The following TMX1 variants were observed in gnomAD, a reference collection of about 807,000 sequenced individuals.
TMX1 encodes the protein thioredoxin-related transmembrane protein 1.
A neutral mutation model predicts 36.6 loss-of-function variants in TMX1; 25 were observed. The ratio of observed to expected loss-of-function variants is 0.68; its 90% CI spans 0.50 to 0.95. The LOEUF (loss-of-function observed/expected upper bound fraction) is 0.95. Ranked by LOEUF, TMX1 falls within the 40% of genes least tolerant of loss-of-function variation. The probability of loss-of-function intolerance (pLI) is 0.00; values close to 1 mark genes in which losing one functional copy is unlikely to be tolerated. For synonymous variants in TMX1, 133 were observed against 118.0 expected (o/e 1.13, Z -0.82); for missense variants, 347 against 339.6 (o/e 1.02, Z -0.17).
chr14:51,251,458 T>G (rs923116389), intron 7 of TMX1, among the ~76,000 whole-genome samples: 1 of 152,220 alleles, frequency 6.6e-6, no homozygotes, highest in Non-Finnish European at 1.5e-5. Flanking sequence ...ATGTTTTGTT[T>G]TTTTATATTC....
intron 1 of TMX1, 141 bp from the exon 2 acceptor site, chr14:51,243,715 C>T (rs2065772594): frequency 1.8e-6 from 1 of 551,802 alleles, no homozygotes; most frequent in Non-Finnish European, 2.9e-6. Context: ...TTTTCATCTG[C>T]ATAAAATTAA....
At chr14:51,250,405 C>T (rs746783933) in intron 7 of TMX1, among the ~76,000 whole-genome samples, 1 of 152,244 alleles carries the variant, frequency 6.6e-6, no homozygotes, top group African/African-American at 2.4e-5. Context: ...CTAAGGTTCA[C>T]AGTCACACAG....
At chr14:51,254,147 G>C (rs923975754) in intron 7 of TMX1, 194 bp from the exon 8 acceptor site, 4 of 420,220 alleles carry the variant, frequency 9.5e-6, no homozygotes, top group African/African-American at 8.3e-5. Flanking sequence ...AACTAAAATG[G>C]CTCAAACAAT....
chr14:51,243,676 TC>T (rs1346510471), intron 1 of TMX1, among the ~76,000 whole-genome samples, 179 bp from the exon 2 acceptor site: 1 of 152,172 alleles, frequency 6.6e-6, no homozygotes, highest in Non-Finnish European at 1.5e-5. Context: ...ATTCTTGATT[TC>T]CGGATTGTTA....
At position 51,249,470 on chromosome 14, in the gene TMX1, T is replaced by A. The variant is rs7161242; in HGVS notation, c.492T>A (p.Thr164=). Residue 164 remains threonine (T), a splice_region_variant and synonymous_variant, in exon 6 of 8, where the codon ACT becomes ACA. Transcript: ENST00000457354. ...TTTTTTTTTTCTTTTGATTTTAGAC[T>A]TGCCATAACTACTTTATTGAAGACC... The part of the protein sequence containing the change: ...ALFQLSMWIR[T]CHNYFIEDLG... 7 of 1,596,770 alleles carry A rather than the reference T, an allele frequency of 4.4e-6. No individual in the cohort carries two copies. The highest frequency in any genetic ancestry group is 3.6e-5 in the Admixed American group (2 of 55,704).
chr14:51,242,857 A>G (rs1166030992), intron 1 of TMX1, among the ~76,000 whole-genome samples: 3 of 152,204 alleles, frequency 2.0e-5, no homozygotes, highest in Non-Finnish European at 4.4e-5. Flanking sequence ...TCTGCTCCTA[A>G]TTACAAGTGA....
intron 7 of TMX1, among the ~76,000 whole-genome samples, chr14:51,252,459 C>A (rs1340761373): frequency 6.6e-6 from 1 of 151,770 alleles, no homozygotes; most frequent in Non-Finnish European, 1.5e-5. Flanking sequence ...TTTTTACCCT[C>A]TGAGCGTGTA....
intron 4 of TMX1, among the ~76,000 whole-genome samples, chr14:51,247,700 T>C (rs1389634369): frequency 6.6e-6 from 1 of 152,220 alleles, no homozygotes; most frequent in Admixed American, 6.5e-5. Context: ...GTCAAACATA[T>C]TTTCATGCTT....
intron 4 of TMX1, among the ~76,000 whole-genome samples, chr14:51,248,074 G>A (rs1336819761): frequency 6.6e-6 from 1 of 152,182 alleles, no homozygotes; most frequent in Non-Finnish European, 1.5e-5. Context: ...GTGTATAAAC[G>A]GTGACCGTAA....
In TMX1 at chr14:51,256,966, T is replaced by C. The variant is rs1213582676; in HGVS notation, c.*2447T>C. ...ATCTCTTATTTTGGTCTTTTTTTTTTTTTTGAGACAGAGTTTCACTCTTGT... is the reference window on the plus strand; with the variant it reads ...ATCTCTTATTTTGGTCTTTTTTTTTCTTTTGAGACAGAGTTTCACTCTTGT... On this transcript the variant is annotated 3_prime_UTR_variant, in exon 8 of 8. Coordinates refer to ENST00000457354, the MANE Select transcript of TMX1 (RefSeq NM_030755.5). 2 of 152,030 alleles carry C rather than the reference T, an allele frequency of 1.3e-5. No homozygotes were observed. Among genetic ancestry groups the C allele is most frequent in the Non-Finnish European group, 1.5e-5 (1 of 68,010 alleles). The allele number at this position is 152,030 out of a possible 1,614,324, so 9.4% of individuals were successfully genotyped here.
Position 51,249,352 on chromosome 14 carries a change from A to G in TMX1, c.470A>G (p.Gln157Arg), listed in dbSNP as rs1284995246. ...VLMSSMSALFQLSMWIRTCHN... is the reference protein window; with the variant it reads ...VLMSSMSALFRLSMWIRTCHN... ...ATGAGTAGTATGTCAGCACTCTTTCAGCTATCTATGTGGATCAGGGTATGG... is the reference window on the plus strand; with the variant it reads ...ATGAGTAGTATGTCAGCACTCTTTCGGCTATCTATGTGGATCAGGGTATGG... The change falls in exon 5 of 8, where the codon CAG becomes CGG. Residue 157 changes from glutamine to arginine, a missense_variant. By Grantham distance (43) the Gln-to-Arg change is conservative. Transcript: ENST00000457354. The G allele has an allele frequency of 6.8e-6, 11 of 1,607,922 alleles. No homozygotes were observed. The highest frequency in any genetic ancestry group is 1.3e-5 in the African/African-American group (1 of 74,338).
At chr14:51,252,820 T>C (rs1312071368) in intron 7 of TMX1, among the ~76,000 whole-genome samples, 1 of 152,218 alleles carries the variant, frequency 6.6e-6, no homozygotes, top group Non-Finnish European at 1.5e-5. Flanking sequence ...AGGTCAGGGT[T>C]GACTGGATCC....
chr14:51,245,565 T>C (rs2065781934), intron 3 of TMX1: 44 of 1,287,686 alleles, frequency 3.4e-5, no homozygotes, highest in Non-Finnish European at 4.4e-5. Context: ...TTCTCAAAGA[T>C]TTACAGTTGT....
At chr14:51,249,245 G>A in intron 4 of TMX1, 81 bp from the exon 5 acceptor site, 1 of 1,189,938 alleles carries the variant, frequency 8.4e-7, no homozygotes, top group Non-Finnish European at 1.2e-6. Flanking sequence ...TCATATTGGG[G>A]AAATTATAGA....
rs1455768728 is a variant in TMX1, at chr14:51,255,576, A to G, written c.*1057A>G. On this transcript the variant is annotated 3_prime_UTR_variant, in exon 8 of 8. Transcript: ENST00000457354. ...AATGTATTTTTGTCCTCATATACAG[A>G]AAGTTCTTAATTGATTTTACAGTCT... is the stretch of plus-strand genomic sequence containing the variant. 6.6e-6 allele frequency: 1 copy of G among 152,024 alleles called. No individual in the cohort carries two copies. The highest frequency in any genetic ancestry group is 1.5e-5 in the Non-Finnish European group (1 of 67,892). 9.4% of individuals were successfully genotyped at this position (152,024 alleles called of 1,614,324 possible).
At chr14:51,252,794 G>A (rs566902311) in intron 7 of TMX1, among the ~76,000 whole-genome samples, 7 of 152,178 alleles carry the variant, frequency 4.6e-5, no homozygotes, top group Non-Finnish European at 1.0e-4. Flanking sequence ...ATTGGTTTAT[G>A]TAGGGATGAA....
chr14:51,251,770 C>T (rs954697542), intron 7 of TMX1, among the ~76,000 whole-genome samples: 2 of 152,172 alleles, frequency 1.3e-5, no homozygotes, highest in African/African-American at 4.8e-5. Context: ...GCTGATTCCC[C>T]ACCCTGGGTT....
intron 1 of TMX1, among the ~76,000 whole-genome samples, chr14:51,242,146 T>C (rs2065764866): frequency 6.6e-6 from 1 of 151,844 alleles, no homozygotes; most frequent in South Asian, 2.1e-4. Context: ...AAGTAGAACA[T>C]TTATATGGAG....
rs938092878 is a variant in TMX1 at position 51,255,811 on chromosome 14, A to G, written c.*1292A>G. On this transcript the variant is annotated 3_prime_UTR_variant, in exon 8 of 8. Transcript: ENST00000457354. ...AAGAAGGGGGAAAATCATAAATACA[A>G]TGAATCAACTGACCATTACGTAGTA... is the stretch of plus-strand genomic sequence containing the variant. 2 of 152,200 alleles carry G rather than the reference A, an allele frequency of 1.3e-5. No homozygotes were observed. The highest frequency in any genetic ancestry group is 2.9e-5 in the Non-Finnish European group (2 of 67,942). The allele number at this position is 152,200 out of a possible 1,614,324, so 9.4% of individuals were successfully genotyped here. A position where few individuals can be genotyped will look rare whatever the true frequency, so the allele number is the denominator to read the frequency against.
Sources: gnomAD v4.1 joint callset for allele counts (sites outside exome capture counted in the v4.1 genomes callset) on GRCh38, gnomAD v4.1.1 for gene constraint, MANE v1.5 for transcripts, NCBI Gene and HGNC (gene_info 2026-07-23, HGNC 2026-07-21) for gene names.